KIF26B: variants seen among roughly 807,000 people sequenced by gnomAD.
KIF26B encodes kinesin-like protein KIF26B.
KIF26B carries 63 observed loss-of-function variants against 151.2 expected under a neutral mutation model. The observed-to-expected ratio is 0.42, with a 90% CI of 0.34 to 0.51. The LOEUF (loss-of-function observed/expected upper bound fraction) is 0.51, where lower values mean the gene tolerates loss of function less well. KIF26B is among the 20% of genes least tolerant of loss of function. The probability of loss-of-function intolerance (pLI) is 0.07; values close to 1 mark genes in which losing one functional copy is unlikely to be tolerated. For missense variants in KIF26B, 2,813 were observed against 2,913.6 expected, an observed-to-expected ratio of 0.97 and a Z score of 0.79; for synonymous variants, 1,357 against 1,262.1, an observed-to-expected ratio of 1.08 and a Z score of -1.59.
chr1:245,487,998 C>T (rs191199758), intron 4 of KIF26B, among the ~76,000 whole-genome samples: 3 of 152,124 alleles, frequency 2.0e-5, no homozygotes, highest in East Asian at 3.9e-4. Context: ...AAGTCGGCCA[C>T]GTTGGTCTCG....
At chr1:245,651,722 A>G (rs1349229139) in intron 10 of KIF26B, among the ~76,000 whole-genome samples, 3 of 152,124 alleles carry the variant, frequency 2.0e-5, no homozygotes, top group African/African-American at 7.2e-5. Flanking sequence ...CTGGATTCTC[A>G]TAGGAACCTC....
At chr1:245,621,859 T>C (rs990005886) in intron 9 of KIF26B, among the ~76,000 whole-genome samples, 8 of 152,228 alleles carry the variant, frequency 5.3e-5, no homozygotes, top group Non-Finnish European at 1.0e-4. Context: ...GATTTTCCAT[T>C]GTCTAAATGT....
intron 4 of KIF26B, among the ~76,000 whole-genome samples, chr1:245,432,666 A>AT (rs1658807971): frequency 6.6e-6 from 1 of 152,232 alleles, no homozygotes; most frequent in Non-Finnish European, 1.5e-5. Flanking sequence ...GGGTAAAATC[A>AT]TGTGGAAGAC....
chr1:245,508,431 G>A (rs1660768296), intron 4 of KIF26B, among the ~76,000 whole-genome samples: 1 of 152,050 alleles, frequency 6.6e-6, no homozygotes, highest in African/African-American at 2.4e-5. Flanking sequence ...TAGTAGAGAT[G>A]GGGTTTCACC....
intron 9 of KIF26B, among the ~76,000 whole-genome samples, chr1:245,632,447 A>C (rs980144523): frequency 6.6e-6 from 1 of 152,242 alleles, no homozygotes; most frequent in Non-Finnish European, 1.5e-5. Context: ...CACATGGTCT[A>C]TCATGGAGAA....
At position 245,467,760 on chromosome 1, in the gene KIF26B, C is replaced by T. The variant is rs758083271; in HGVS notation, c.1166+48015C>T. On this transcript the variant is annotated intron_variant, in intron 4 of 14. Coordinates refer to ENST00000407071, the MANE Select transcript of KIF26B (RefSeq NM_018012.4). The stretch of plus-strand genomic sequence containing the variant: ...AAATACAAAAATTAGTTGGCCATGG[C>T]GGTGTGTGCCTGTAATCCCAGCTAC... 4.6e-5 allele frequency among the ~76,000 whole-genome samples: 7 copies of T among 152,002 alleles called. No homozygotes were observed. The South Asian group carries it at 6.2e-4, about 14-fold the overall frequency.
intron 4 of KIF26B, among the ~76,000 whole-genome samples, chr1:245,466,606 G>A (rs913364487): frequency 1.3e-5 from 2 of 152,192 alleles, no homozygotes; most frequent in Non-Finnish European, 2.9e-5. Flanking sequence ...ATACTTGACT[G>A]CCTTTTCACA....
rs1183326231 is a variant in KIF26B, at chr1:245,355,519, C to T, written c.466-11315C>T. ...CCTGAGGTGGGAGGACCATTTGAGC[C>T]CAGGAGAGTGAGGCTGCAGTGAGCT... On this transcript the variant is annotated intron_variant, in intron 2 of 14. Transcript: ENST00000407071. 2.7e-5 allele frequency among the ~76,000 whole-genome samples: 4 copies of T among 150,936 alleles called. No homozygotes were observed. The East Asian group carries it at 7.8e-4, about 29-fold the overall frequency.
chr1:245,285,787 C>T (rs537222988), intron 2 of KIF26B, among the ~76,000 whole-genome samples: 4 of 151,630 alleles, frequency 2.6e-5, no homozygotes, highest in East Asian at 1.9e-4. Flanking sequence ...GTCTGCTCCA[C>T]GTGCAAGCAA....
At chr1:245,267,481 A>G (rs934504808) in intron 2 of KIF26B, among the ~76,000 whole-genome samples, 4 of 151,948 alleles carry the variant, frequency 2.6e-5, no homozygotes, top group Non-Finnish European at 2.9e-5. Context: ...AGGTAATTTT[A>G]CTCTTTTCTG....
At chr1:245,466,803 G>C (rs1008766567) in intron 4 of KIF26B, among the ~76,000 whole-genome samples, 1 of 152,290 alleles carries the variant, frequency 6.6e-6, no homozygotes, top group African/African-American at 2.4e-5. Context: ...GTGAGTGCCT[G>C]TAATCCCAGC....
chr1:245,691,327 C>A (rs1269260539), intron 12 of KIF26B, among the ~76,000 whole-genome samples: 2 of 152,320 alleles, frequency 1.3e-5, no homozygotes, highest in South Asian at 4.1e-4. Flanking sequence ...CCTCTAGGAG[C>A]CTCTGGTTAG....
At chr1:245,294,519 A>G (rs1671305800) in intron 2 of KIF26B, among the ~76,000 whole-genome samples, 1 of 152,204 alleles carries the variant, frequency 6.6e-6, no homozygotes. Flanking sequence ...AACAATGTGA[A>G]ACTCAACCAG....
At chr1:245,494,329 C>CAAA (rs1278089086) in intron 4 of KIF26B, among the ~76,000 whole-genome samples, 2 of 132,406 alleles carry the variant, frequency 1.5e-5, no homozygotes, top group Admixed American at 1.5e-4. Context: ...AAACAAAAAA[C>CAAA]AATCACATTC....
Position 245,419,449 on chromosome 1 carries a change from G to A in KIF26B, c.1000-130G>A. On this transcript the variant is annotated intron_variant, in intron 3 of 14. Transcript: ENST00000407071. ...TTCCAGTAGCCCTAAGCATCCACGT[G>A]TAACTGAATGCAGGTGGGATAGAAA... is the stretch of plus-strand genomic sequence containing the variant. 10 of 716,288 alleles carry A rather than the reference G, an allele frequency of 1.4e-5. 1 individual carries two copies. The East Asian group carries it at 1.8e-4, about 13-fold the overall frequency. The allele number at this position is 716,288 out of a possible 1,614,324, so 44.4% of individuals were successfully genotyped here.
chr1:245,545,033 G>A (rs945476927), intron 5 of KIF26B, among the ~76,000 whole-genome samples: 6 of 151,960 alleles, frequency 3.9e-5, no homozygotes, highest in Non-Finnish European at 5.9e-5. Context: ...GCATGCACAC[G>A]CACATGCGCG....
chr1:245,393,444 TC>T (rs1673748206), intron 3 of KIF26B, among the ~76,000 whole-genome samples: 1 of 152,200 alleles, frequency 6.6e-6, no homozygotes, highest in Non-Finnish European at 1.5e-5. Context: ...GTATTGTTTC[TC>T]CTTCCGCAAA....
chr1:245,378,840 G>T (rs6697885), intron 3 of KIF26B, among the ~76,000 whole-genome samples: 1 of 152,148 alleles, frequency 6.6e-6, no homozygotes, highest in East Asian at 1.9e-4. Context: ...GACCTCAAGC[G>T]GGCTTCTTAA....
rs570520993 is a variant in KIF26B at position 245,583,384 on chromosome 1, A to C, written c.1351-19193A>C. The stretch of plus-strand genomic sequence containing the variant: ...AATGAGTTTTTCACTGGAGCCTGAA[A>C]CTTCCAGATTTGAAACCATCTCCGG... On this transcript the variant is annotated intron_variant, in intron 5 of 14. Coordinates refer to ENST00000407071, the MANE Select transcript of KIF26B (RefSeq NM_018012.4). Among the ~76,000 whole-genome samples, 24 of 152,224 alleles carry C rather than the reference A, an allele frequency of 1.6e-4. 1 individual carries two copies. The highest frequency in any genetic ancestry group is 6.5e-4 in the Admixed American group (10 of 15,290).
Sources: allele counts gnomAD v4.1 joint callset (sites outside exome capture counted in the v4.1 genomes callset), GRCh38; gene constraint gnomAD v4.1.1; transcripts MANE v1.5; gene names NCBI Gene and HGNC (gene_info 2026-07-23, HGNC 2026-07-21).